Variants in TASP1 observed in about 807,000 individuals in gnomAD.
TASP1 encodes the protein threonine aspartase 1.
In TASP1, 16 loss-of-function variants were observed where a neutral mutation model predicts 56.6. The observed-to-expected ratio is 0.28, with a 90% CI of 0.19 to 0.43. The LOEUF (loss-of-function observed/expected upper bound fraction) is 0.43, where lower values mean the gene tolerates loss of function less well. TASP1 is among the 20% of genes least tolerant of loss of function. The pLI, the probability that TASP1 is intolerant of heterozygous loss-of-function variation, is 1.00. For missense variants in TASP1, 393 were observed against 511.6 expected (o/e 0.77, Z 2.24); for synonymous variants, 179 against 184.2 (o/e 0.97, Z 0.23).
At chr20:13,112,329 TATAG>T in the TASP1 span, among the ~76,000 whole-genome samples, 1 of 152,220 alleles carries the variant, frequency 6.6e-6, no homozygotes, top group Non-Finnish European at 1.5e-5. Flanking sequence ...CAGCTTTCTC[TATAG>T]ATAGTCTCTT....
chr20:13,526,079 TC>T (rs1296141592), intron 10 of TASP1, among the ~76,000 whole-genome samples: 5 of 152,212 alleles, frequency 3.3e-5, no homozygotes, highest in African/African-American at 1.2e-4. Context: ...TTCCTTGCAT[TC>T]TACTTAATAG....
intron 7 of TASP1, among the ~76,000 whole-genome samples, chr20:13,561,731 A>T (rs1238893210): frequency 6.6e-6 from 1 of 152,210 alleles, no homozygotes; most frequent in Non-Finnish European, 1.5e-5. Context: ...GAGACAGACA[A>T]TGGGAAAAGA....
At chr20:13,619,512 G>A (rs1351221828) in intron 4 of TASP1, among the ~76,000 whole-genome samples, 1 of 152,072 alleles carries the variant, frequency 6.6e-6, no homozygotes, top group Non-Finnish European at 1.5e-5. Context: ...TTCTACTTTA[G>A]AAACAATCCT....
chr20:13,569,484 A>T (rs1244326955), intron 7 of TASP1, 23 bp downstream of exon 7: 1 of 1,596,038 alleles, frequency 6.3e-7, no homozygotes. Flanking sequence ...ATATAGCTTA[A>T]TTTTTTTTAA....
At chr20:13,612,077 T>C (rs897478854) in intron 4 of TASP1, among the ~76,000 whole-genome samples, 1 of 152,136 alleles carries the variant, frequency 6.6e-6, no homozygotes, top group African/African-American at 2.4e-5. Flanking sequence ...TTGACACAAA[T>C]GACAGTCCTA....
the TASP1 span, among the ~76,000 whole-genome samples, chr20:13,146,903 C>T: frequency 9.8e-5 from 15 of 152,320 alleles, no homozygotes; most frequent in East Asian, 3.9e-4. Flanking sequence ...AGGTCAGCTG[C>T]GTAATGCCTT....
At chr20:13,280,230 C>T in the TASP1 span, among the ~76,000 whole-genome samples, 1 of 151,882 alleles carries the variant, frequency 6.6e-6, no homozygotes, top group Non-Finnish European at 1.5e-5. Context: ...AATTAACTTC[C>T]TTGTATTTTT....
the TASP1 span, among the ~76,000 whole-genome samples, chr20:13,245,025 A>T: frequency 6.6e-6 from 1 of 152,256 alleles, no homozygotes; most frequent in South Asian, 2.1e-4. Flanking sequence ...AAGAAAGAAC[A>T]TGCACAACTT....
intron 13 of TASP1, among the ~76,000 whole-genome samples, chr20:13,409,718 AT>A (rs1266849476): frequency 6.6e-6 from 1 of 152,222 alleles, no homozygotes; most frequent in Admixed American, 6.5e-5. Flanking sequence ...AATATTTTAC[AT>A]ATGTATGGGA....
intron 10 of TASP1, among the ~76,000 whole-genome samples, chr20:13,511,333 G>A (rs1308331048): frequency 6.6e-6 from 1 of 152,052 alleles, no homozygotes; most frequent in African/African-American, 2.4e-5. Flanking sequence ...GGAGAACCAG[G>A]TCCTTGATGT....
chr20:13,296,262 T>C, the TASP1 span, among the ~76,000 whole-genome samples: 56,075 of 151,964 alleles, frequency 0.37, 10,701 homozygotes, highest in African/African-American at 0.46. Flanking sequence ...GGTCTTTCTC[T>C]GGACCCGAGC....
intron 10 of TASP1, among the ~76,000 whole-genome samples, chr20:13,527,222 A>C (rs1203079843): frequency 6.6e-6 from 1 of 152,150 alleles, no homozygotes; most frequent in Non-Finnish European, 1.5e-5. Context: ...CTACATGCAA[A>C]AGAAAAAGTC....
the TASP1 span, among the ~76,000 whole-genome samples, chr20:13,359,483 G>C: frequency 6.6e-6 from 1 of 151,418 alleles, no homozygotes; most frequent in Non-Finnish European, 1.5e-5. Flanking sequence ...CACGGATGCC[G>C]AGCTTCGGGT....
At chr20:13,596,061 G>A (rs1240743350) in intron 4 of TASP1, among the ~76,000 whole-genome samples, 1 of 152,134 alleles carries the variant, frequency 6.6e-6, no homozygotes, top group East Asian at 1.9e-4. Context: ...TAGAACTCAG[G>A]ATTAAGAAAC....
chr20:13,147,253 C>T, the TASP1 span, among the ~76,000 whole-genome samples: 1 of 152,158 alleles, frequency 6.6e-6, no homozygotes, highest in Non-Finnish European at 1.5e-5. Context: ...GGGAGAGCTT[C>T]AGTGCCTGAT....
chr20:13,318,832 T>C, the TASP1 span, among the ~76,000 whole-genome samples: 1 of 152,062 alleles, frequency 6.6e-6, no homozygotes, highest in East Asian at 1.9e-4. Flanking sequence ...GGCAAAACTA[T>C]GAAGACAGGA....
At chr20:13,110,099 G>C in the TASP1 span, 1 of 1,563,192 alleles carries the variant, frequency 6.4e-7, no homozygotes, top group African/African-American at 1.5e-5. Flanking sequence ...TTTTTTTTTG[G>C]TATTATTTAA....
At chr20:13,615,316 A>T (rs1347166356) in intron 4 of TASP1, among the ~76,000 whole-genome samples, 2 of 152,156 alleles carry the variant, frequency 1.3e-5, no homozygotes, top group Non-Finnish European at 1.5e-5. Context: ...CTGAGTGAGA[A>T]TGACTGCCAG....
At chr20:13,354,489 G>T in the TASP1 span, among the ~76,000 whole-genome samples, 9 of 152,134 alleles carry the variant, frequency 5.9e-5, no homozygotes, top group African/African-American at 1.4e-4. Context: ...AGAAGACAAT[G>T]AAACAATTGA....
Sources: gnomAD v4.1 joint callset for allele counts (sites outside exome capture counted in the v4.1 genomes callset) on GRCh38, gnomAD v4.1.1 for gene constraint, MANE v1.5 for transcripts, NCBI Gene and HGNC (gene_info 2026-07-23, HGNC 2026-07-21) for gene names.